The following KIF16B variants were observed in gnomAD, a reference collection of about 807,000 sequenced individuals.
KIF16B encodes kinesin-like protein KIF16B.
A neutral mutation model predicts 156.3 loss-of-function variants in KIF16B; 98 were observed. The observed-to-expected ratio is 0.63, with a 90% CI of 0.53 to 0.74. The LOEUF (loss-of-function observed/expected upper bound fraction) is 0.74, where lower values mean the gene tolerates loss of function less well. Ranked by LOEUF, KIF16B falls within the 30% of genes least tolerant of loss-of-function variation. The probability of loss-of-function intolerance (pLI) is 0.00; values close to 1 mark genes in which losing one functional copy is unlikely to be tolerated. For synonymous variants in KIF16B, 564 were observed against 583.7 expected (o/e 0.97, Z 0.49); for missense variants, 1,421 against 1,606.5 (o/e 0.88, Z 1.97).
intron 12 of KIF16B, among the ~76,000 whole-genome samples, chr20:16,434,302 G>C (rs906818742): frequency 4.6e-5 from 7 of 152,114 alleles, no homozygotes; most frequent in Non-Finnish European, 8.8e-5. Context: ...CCCAGATCTC[G>C]TGGGAAGAAG....
intron 25 of KIF16B, among the ~76,000 whole-genome samples, chr20:16,280,448 G>C (rs1283657011): frequency 6.6e-6 from 1 of 152,222 alleles, no homozygotes; most frequent in African/African-American, 2.4e-5. Flanking sequence ...GCAAGGATCT[G>C]GGTGGGAAAC....
intron 12 of KIF16B, among the ~76,000 whole-genome samples, chr20:16,470,975 T>C (rs140825982): frequency 6.6e-6 from 1 of 151,940 alleles, no homozygotes; most frequent in Admixed American, 6.6e-5. Flanking sequence ...GATCCACCAG[T>C]GAGACAGAAA....
At chr20:16,440,533 GCACACA>G (rs71192333) in intron 12 of KIF16B, among the ~76,000 whole-genome samples, 13,174 of 138,132 alleles carry the variant, frequency 0.095, 747 homozygotes, top group African/African-American at 0.13. Context: ...ACAAGCGCGC[GCACACA>G]CACACACACA....
chr20:16,438,105 C>A (rs1600396955), intron 12 of KIF16B, among the ~76,000 whole-genome samples: 1 of 151,996 alleles, frequency 6.6e-6, no homozygotes, highest in African/African-American at 2.4e-5. Context: ...CAAGATTGTG[C>A]CACTGCATTC....
At chr20:16,368,924 T>C in intron 22 of KIF16B, 1 of 985,854 alleles carries the variant, frequency 1.0e-6, no homozygotes, top group Non-Finnish European at 1.2e-6. Flanking sequence ...TCTGACTGAC[T>C]CTGAAAATCT....
At chr20:16,340,184 CT>C (rs1399100273) in intron 23 of KIF16B, among the ~76,000 whole-genome samples, 1 of 152,204 alleles carries the variant, frequency 6.6e-6, no homozygotes, top group African/African-American at 2.4e-5. Flanking sequence ...TGCTTTTCCT[CT>C]TTCTGGAATG....
At chr20:16,450,871 A>G (rs1298708865) in intron 12 of KIF16B, among the ~76,000 whole-genome samples, 1 of 152,230 alleles carries the variant, frequency 6.6e-6, no homozygotes, top group Non-Finnish European at 1.5e-5. Context: ...CCACTCTTTG[A>G]ACACAGATAA....
Position 16,553,486 on chromosome 20 carries a change from C to T in KIF16B, c.47+19743G>A, listed in dbSNP as rs114199479. 4.2e-3 allele frequency among the ~76,000 whole-genome samples: 637 copies of T among 152,294 alleles called. 8 individuals carry two copies. The highest frequency in any genetic ancestry group is 0.015 in the African/African-American group (604 of 41,562). On this transcript the variant is annotated intron_variant, in intron 1 of 25. Coordinates refer to ENST00000354981, the MANE Select transcript of KIF16B (RefSeq NM_024704.5). ...GAAAAGCTCTGTGGCTTTTATTGAG[C>T]CCAATGGAGAGACAGACATTGAGCC...
At chr20:16,275,926 T>A in intron 25 of KIF16B, among the ~76,000 whole-genome samples, 1 of 152,216 alleles carries the variant, frequency 6.6e-6, no homozygotes, top group East Asian at 1.9e-4. Context: ...CACAACTGAT[T>A]GTTCTGGGAA....
chr20:16,355,585 C>T (rs577139894), intron 23 of KIF16B, among the ~76,000 whole-genome samples: 12 of 152,062 alleles, frequency 7.9e-5, no homozygotes, highest in Non-Finnish European at 8.8e-5. Context: ...CCTTGCTGAT[C>T]CTTGAAGAAA....
intron 1 of KIF16B, among the ~76,000 whole-genome samples, chr20:16,545,722 T>C (rs1438275341): frequency 6.6e-6 from 1 of 152,174 alleles, no homozygotes; most frequent in East Asian, 1.9e-4. Flanking sequence ...CATTCATACT[T>C]ATTTTTGTTT....
At chr20:16,417,055 TA>T (rs2066108040) in intron 15 of KIF16B, among the ~76,000 whole-genome samples, 1 of 151,978 alleles carries the variant, frequency 6.6e-6, no homozygotes, top group Non-Finnish European at 1.5e-5. Context: ...TTCTTGGCCG[TA>T]GACACGGAGA....
At chr20:16,404,735 C>A in intron 17 of KIF16B, 78 bp downstream of exon 17, 3 of 1,121,030 alleles carry the variant, frequency 2.7e-6, no homozygotes. Flanking sequence ...TTTATTTTTA[C>A]CTTGTGACTA....
At chr20:16,432,720 C>T (rs565399484) in intron 12 of KIF16B, among the ~76,000 whole-genome samples, 2 of 150,994 alleles carry the variant, frequency 1.3e-5, no homozygotes, top group East Asian at 1.9e-4. Context: ...TGCGAGAGGG[C>T]GGTGAAATGA....
At chr20:16,559,050 G>A (rs1012659992) in intron 1 of KIF16B, among the ~76,000 whole-genome samples, 1 of 151,712 alleles carries the variant, frequency 6.6e-6, no homozygotes, top group Non-Finnish European at 1.5e-5. Flanking sequence ...TTTCTAATGT[G>A]GAATTATTCC....
chr20:16,330,927 C>T (rs78425451), intron 24 of KIF16B, among the ~76,000 whole-genome samples: 2,416 of 152,324 alleles, frequency 0.016, 62 homozygotes, highest in African/African-American at 0.052. Flanking sequence ...CAACTCTGTA[C>T]GTTAGCTATC....
intron 25 of KIF16B, among the ~76,000 whole-genome samples, chr20:16,280,841 C>CGTGTGTGTGTGTGTGTGTGT (rs1555833614): frequency 0.014 from 1,007 of 74,400 alleles, 16 homozygotes; most frequent in African/African-American, 0.048. Flanking sequence ...TGCGCGCGCA[C>CGTGTGTGTGTGTGTGTGTGT]GTGTGTGTGT....
chr20:16,424,606 C>T (rs1286958271), intron 15 of KIF16B, among the ~76,000 whole-genome samples: 1 of 152,116 alleles, frequency 6.6e-6, no homozygotes, highest in African/African-American at 2.4e-5. Context: ...CTTTCTTTCC[C>T]TCATTCTTAC....
intron 17 of KIF16B, among the ~76,000 whole-genome samples, chr20:16,383,389 T>A (rs1367442170): frequency 1.3e-5 from 2 of 152,208 alleles, no homozygotes; most frequent in African/African-American, 2.4e-5. Flanking sequence ...TAACTCAGTT[T>A]ATGAGCAATG....
Sources: allele counts gnomAD v4.1 joint callset (sites outside exome capture counted in the v4.1 genomes callset), GRCh38; gene constraint gnomAD v4.1.1; transcripts MANE v1.5; gene names NCBI Gene and HGNC (gene_info 2026-07-23, HGNC 2026-07-21).